GALNTL6: variants seen among roughly 807,000 people sequenced by gnomAD.
GALNTL6 encodes the protein polypeptide N-acetylgalactosaminyltransferase like 6, also known as polypeptide N-acetylgalactosaminyltransferase-like 6.
A neutral mutation model predicts 73.7 loss-of-function variants in GALNTL6; 46 were observed. That is an observed-to-expected ratio of 0.62 (90% CI 0.49 to 0.80). The LOEUF (loss-of-function observed/expected upper bound fraction) is 0.80. GALNTL6 is among the 30% of genes least tolerant of loss of function. The probability of loss-of-function intolerance (pLI) is 0.00; values close to 1 mark genes in which losing one functional copy is unlikely to be tolerated. For missense variants in GALNTL6, 604 were observed against 755.0 expected (o/e 0.80, Z 2.34); for synonymous variants, 259 against 263.7 (o/e 0.98, Z 0.17).
At chr4:172,586,044 C>T (rs1737398341) in intron 5 of GALNTL6, among the ~76,000 whole-genome samples, 1 of 152,162 alleles carries the variant, frequency 6.6e-6, no homozygotes, top group Non-Finnish European at 1.5e-5. Context: ...AACACTAACA[C>T]TTTTACACTG....
chr4:172,596,073 C>G (rs571387265), intron 5 of GALNTL6, among the ~76,000 whole-genome samples: 84 of 152,218 alleles, frequency 5.5e-4, no homozygotes, highest in African/African-American at 1.9e-3. Flanking sequence ...TTAAATACGA[C>G]TTTTCTTTTT....
At chr4:172,741,026 G>T (rs573627510) in intron 5 of GALNTL6, among the ~76,000 whole-genome samples, 1 of 152,238 alleles carries the variant, frequency 6.6e-6, no homozygotes, top group East Asian at 1.9e-4. Context: ...AAAAATTACA[G>T]TTGATTTGCA....
chr4:172,767,364 G>C (rs975127581), intron 5 of GALNTL6, among the ~76,000 whole-genome samples: 3 of 152,184 alleles, frequency 2.0e-5, no homozygotes, highest in Non-Finnish European at 4.4e-5. Context: ...AGTGTAAAAT[G>C]CAAGCCTTGA....
Position 172,813,626 on chromosome 4 carries a change from G to A in GALNTL6, c.826G>A (p.Gly276Arg), listed in dbSNP as rs1211934516. Residue 276 changes from glycine to arginine, a missense_variant, in exon 7 of 13, where the codon GGG (glycine) becomes AGG (arginine). By Grantham distance (125) the Gly-to-Arg change is moderately radical. Coordinates refer to ENST00000506823, the MANE Select transcript of GALNTL6 (RefSeq NM_001034845.3). The part of the protein sequence containing the change: ...HNHFGYEAQA[G>R]DAMRGAFDWE... ...TCACTTCGGGTATGAGGCACAAGCTGGGGATGCCATGCGAGGAGCCTTCGA... is the reference window on the plus strand; with the variant it reads ...TCACTTCGGGTATGAGGCACAAGCTAGGGATGCCATGCGAGGAGCCTTCGA... 6 of 1,613,348 alleles carry A rather than the reference G, an allele frequency of 3.7e-6. No individual in the cohort carries two copies. The highest frequency in any genetic ancestry group is 3.3e-5 in the South Asian group (3 of 90,966).
chr4:172,466,075 T>C (rs1001834983), intron 5 of GALNTL6, among the ~76,000 whole-genome samples: 7 of 152,184 alleles, frequency 4.6e-5, no homozygotes, highest in African/African-American at 1.7e-4. Flanking sequence ...TGTCATAAAA[T>C]GCGTCTTTAA....
At chr4:172,251,666 A>G (rs1345320456) in intron 3 of GALNTL6, among the ~76,000 whole-genome samples, 1 of 152,178 alleles carries the variant, frequency 6.6e-6, no homozygotes, top group African/African-American at 2.4e-5. Flanking sequence ...TCACCAATTC[A>G]GGTATTGCTA....
chr4:172,434,832 A>G (rs1731577722), intron 5 of GALNTL6, among the ~76,000 whole-genome samples: 1 of 152,026 alleles, frequency 6.6e-6, no homozygotes, highest in African/African-American at 2.4e-5. Context: ...TTTCCTCTAT[A>G]TACTTTCTGA....
rs796356380 is a variant in GALNTL6, at chr4:172,989,902, G to A, written c.1372-19276G>A. 7.9e-5 allele frequency among the ~76,000 whole-genome samples: 12 copies of A among 152,246 alleles called. 1 individual carries two copies. The highest frequency in any genetic ancestry group is 2.9e-4 in the African/African-American group (12 of 41,540). ...GGCTTTTCTGGAGGTTTCTCCATAA[G>A]GAATCTCAGATTAGACTTTTTAAAG... On this transcript the variant is annotated intron_variant, in intron 10 of 12. Coordinates refer to ENST00000506823, the MANE Select transcript of GALNTL6 (RefSeq NM_001034845.3).
intron 4 of GALNTL6, among the ~76,000 whole-genome samples, chr4:172,337,968 T>G (rs1232878539): frequency 6.6e-6 from 1 of 152,134 alleles, no homozygotes; most frequent in Admixed American, 6.5e-5. Context: ...TAATTCATTT[T>G]CTAATTTAAA....
At chr4:172,982,757 T>C (rs189589944) in intron 10 of GALNTL6, among the ~76,000 whole-genome samples, 1 of 152,194 alleles carries the variant, frequency 6.6e-6, no homozygotes, top group African/African-American at 2.4e-5. Flanking sequence ...TATTTTTAGA[T>C]GGAATGAAAA....
intron 2 of GALNTL6, among the ~76,000 whole-genome samples, chr4:172,016,471 G>T (rs1170314181): frequency 1.3e-5 from 2 of 151,748 alleles, no homozygotes; most frequent in Non-Finnish European, 2.9e-5. Flanking sequence ...CATCCATATT[G>T]TGTATTGTTG....
chr4:173,029,398 G>A lies in GALNTL6; in HGVS notation c.1638+7773G>A, dbSNP rs922317519. Among the ~76,000 whole-genome samples the A allele has an allele frequency of 3.9e-5, 6 of 152,262 alleles. No individual in the cohort carries two copies. In the South Asian group the frequency reaches 1.2e-3, roughly 32 times the overall value. ...TTAAATGGCCCAATTTCCTGCCACT[G>A]CTCTCCATATGACTTAATTTGAACC... On this transcript the variant is annotated intron_variant, in intron 12 of 12. Transcript: ENST00000506823.
rs3083419 is a variant in GALNTL6 at position 172,528,319 on chromosome 4, A to AATATATAT, written c.553+179669_553+179676dup. ...AATACATTTGGCTTGCTAGAAATAA[A>AATATATAT]ATATATATATATATATATATATATA... On this transcript the variant is annotated intron_variant, in intron 5 of 12. Coordinates refer to ENST00000506823, the MANE Select transcript of GALNTL6 (RefSeq NM_001034845.3). Among the ~76,000 whole-genome samples the AATATATAT allele has an allele frequency of 2.2e-3, 224 of 103,532 alleles. 1 individual carries two copies. The highest frequency in any genetic ancestry group is 4.9e-3 in the East Asian group (15 of 3,082). 67.9% of individuals were successfully genotyped at this position (103,532 alleles called of 152,430 possible).
intron 5 of GALNTL6, among the ~76,000 whole-genome samples, chr4:172,431,220 T>A (rs1245263198): frequency 6.6e-6 from 1 of 152,190 alleles, no homozygotes; most frequent in African/African-American, 2.4e-5. Context: ...GATTTCCATA[T>A]TCTAATTATA....
At chr4:172,929,300 T>C (rs1748210626) in intron 8 of GALNTL6, among the ~76,000 whole-genome samples, 1 of 152,192 alleles carries the variant, frequency 6.6e-6, no homozygotes, top group Non-Finnish European at 1.5e-5. Flanking sequence ...CCATTCTCGC[T>C]TGGGTGACAT....
chr4:172,377,913 T>C (rs1003998173), intron 5 of GALNTL6, among the ~76,000 whole-genome samples: 1 of 148,944 alleles, frequency 6.7e-6, no homozygotes, highest in Non-Finnish European at 1.5e-5. Context: ...CCCCCCCCCA[T>C]GCCTCTTCCT....
At chr4:172,169,098 A>C (rs1734728855) in intron 2 of GALNTL6, among the ~76,000 whole-genome samples, 1 of 152,200 alleles carries the variant, frequency 6.6e-6, no homozygotes, top group African/African-American at 2.4e-5. Context: ...GCTTGAACCT[A>C]ATACTTGGAG....
At chr4:172,139,745 T>C (rs1733753717) in intron 2 of GALNTL6, among the ~76,000 whole-genome samples, 1 of 152,186 alleles carries the variant, frequency 6.6e-6, no homozygotes, top group Non-Finnish European at 1.5e-5. Context: ...CTTTTAGAAA[T>C]AGATCATGTC....
At chr4:172,048,730 TTTTTA>T (rs199772411) in intron 2 of GALNTL6, among the ~76,000 whole-genome samples, 20 of 151,906 alleles carry the variant, frequency 1.3e-4, no homozygotes, top group East Asian at 9.6e-4. Flanking sequence ...AGTTTTTCAT[TTTTTA>T]TTTTATTTTA....
Sources: allele counts gnomAD v4.1 joint callset (sites outside exome capture counted in the v4.1 genomes callset), GRCh38; gene constraint gnomAD v4.1.1; transcripts MANE v1.5; gene names NCBI Gene and HGNC (gene_info 2026-07-23, HGNC 2026-07-21).